RBFOX1: variants seen among roughly 807,000 people sequenced by gnomAD.
RBFOX1 encodes the protein RNA binding protein fox-1 homolog 1.
Under a neutral mutation model 57.7 loss-of-function variants are expected in RBFOX1, and 8 were observed. That is an observed-to-expected ratio of 0.14 (90% CI 0.08 to 0.25). The LOEUF (loss-of-function observed/expected upper bound fraction) is 0.25. RBFOX1 is among the 10% of genes least tolerant of loss of function. The pLI is 1.00. For synonymous variants in RBFOX1, 326 were observed against 222.4 expected (o/e 1.47, Z -4.15); for missense variants, 611 against 548.5 (o/e 1.11, Z -1.14).
intron 2 of RBFOX1, among the ~76,000 whole-genome samples, chr16:5,498,701 C>G (rs375755873): frequency 1.5e-4 from 23 of 152,294 alleles, no homozygotes; most frequent in African/African-American, 5.3e-4. Flanking sequence ...ACACATCAAC[C>G]TGATCTCTTA....
At chr16:5,937,471 A>G (rs1237566494) in intron 4 of RBFOX1, among the ~76,000 whole-genome samples, 1 of 152,136 alleles carries the variant, frequency 6.6e-6, no homozygotes, top group East Asian at 1.9e-4. Flanking sequence ...AAGCCCCTGG[A>G]ATAAGCAGGA....
chr16:5,401,251 G>A (rs978936143), intron 1 of RBFOX1, among the ~76,000 whole-genome samples: 3 of 152,112 alleles, frequency 2.0e-5, no homozygotes, highest in Non-Finnish European at 2.9e-5. Flanking sequence ...ATTTTGTGTA[G>A]GTTTGAGGAT....
intron 4 of RBFOX1, among the ~76,000 whole-genome samples, chr16:7,213,689 C>G (rs1017885876): frequency 6.6e-6 from 1 of 152,080 alleles, no homozygotes; most frequent in Non-Finnish European, 1.5e-5. Context: ...CTGATATTGT[C>G]CCATTTTATA....
intron 2 of RBFOX1, among the ~76,000 whole-genome samples, chr16:6,560,202 C>G (rs957009336): frequency 6.7e-6 from 1 of 149,216 alleles, no homozygotes; most frequent in East Asian, 1.9e-4. Flanking sequence ...AAAGTCAAGC[C>G]CTCATGAAGT....
At chr16:7,562,999 CAA>C (rs1567842321) in intron 5 of RBFOX1, among the ~76,000 whole-genome samples, 1 of 152,192 alleles carries the variant, frequency 6.6e-6, no homozygotes, top group African/African-American at 2.4e-5. Flanking sequence ...CAGGGGATTG[CAA>C]TGCCAGGGCT....
intron 2 of RBFOX1, chr16:6,483,421 G>A (rs1437815538): frequency 6.5e-7 from 1 of 1,535,432 alleles, no homozygotes; most frequent in African/African-American, 1.4e-5. Flanking sequence ...TAGCACGTGG[G>A]TGCCGTTTGC....
At chr16:6,902,383 C>T (rs374212444) in intron 3 of RBFOX1, among the ~76,000 whole-genome samples, 1 of 152,098 alleles carries the variant, frequency 6.6e-6, no homozygotes, top group Non-Finnish European at 1.5e-5. Context: ...ATATCTGGAG[C>T]TATCAAGAGG....
intron 4 of RBFOX1, among the ~76,000 whole-genome samples, chr16:7,368,303 A>AT (rs1212112719): frequency 6.6e-6 from 1 of 151,018 alleles, no homozygotes; most frequent in Non-Finnish European, 1.5e-5. Flanking sequence ...GGCCGTAAGT[A>AT]TTTTTCAAAT....
intron 4 of RBFOX1, among the ~76,000 whole-genome samples, chr16:7,442,721 G>C (rs533167127): frequency 6.6e-6 from 1 of 152,136 alleles, no homozygotes; most frequent in African/African-American, 2.4e-5. Context: ...ATGGTTGTCC[G>C]TCTTGTCAAC....
intron 3 of RBFOX1, among the ~76,000 whole-genome samples, chr16:6,784,350 C>G (rs2081548177): frequency 6.6e-6 from 1 of 152,076 alleles, no homozygotes; most frequent in Non-Finnish European, 1.5e-5. Flanking sequence ...AATAGCCTCT[C>G]TTTGAGCTCA....
intron 2 of RBFOX1, among the ~76,000 whole-genome samples, chr16:5,584,081 T>G (rs1305910803): frequency 1.3e-5 from 2 of 152,196 alleles, no homozygotes; most frequent in Non-Finnish European, 2.9e-5. Context: ...TGTGATGTCA[T>G]GTGGGTTACT....
At chr16:6,586,219 C>G (rs1169680351) in intron 2 of RBFOX1, among the ~76,000 whole-genome samples, 2 of 152,158 alleles carry the variant, frequency 1.3e-5, no homozygotes, top group Non-Finnish European at 2.9e-5. Context: ...AAGAAAATCC[C>G]AATTTGCTCA....
intron 2 of RBFOX1, among the ~76,000 whole-genome samples, chr16:6,609,328 G>A (rs770907922): frequency 6.6e-6 from 1 of 151,982 alleles, no homozygotes; most frequent in South Asian, 2.1e-4. Context: ...CGTGGAAAAT[G>A]ATTTTCTTTT....
At chr16:6,654,495 C>G (rs1212703877) in intron 2 of RBFOX1, 108 bp from the exon 3 acceptor site, 3 of 838,956 alleles carry the variant, frequency 3.6e-6, no homozygotes, top group Admixed American at 6.8e-5. Context: ...GGAGCATGAG[C>G]TCTTTATTAT....
rs562054825 is a variant in RBFOX1 at position 7,028,361 on chromosome 16, G to A, written c.-15-23696G>A. On this transcript the variant is annotated intron_variant, in intron 3 of 15. Transcript: ENST00000550418. ...TGGGCTCAGGGCTGGAGTTAGATGGGATGGATTTTATCTCTCTGATGCTTG... is the reference window on the plus strand; with the variant it reads ...TGGGCTCAGGGCTGGAGTTAGATGGAATGGATTTTATCTCTCTGATGCTTG... 2.0e-5 allele frequency among the ~76,000 whole-genome samples: 3 copies of A among 152,154 alleles called. No homozygotes were observed. In the East Asian group the frequency reaches 5.8e-4, roughly 30 times the overall value.
intron 1 of RBFOX1, among the ~76,000 whole-genome samples, chr16:6,031,302 G>T (rs889849531): frequency 3.9e-5 from 6 of 152,154 alleles, no homozygotes; most frequent in African/African-American, 1.2e-4. Flanking sequence ...GAACAGCAAG[G>T]TGGCCAGCGT....
intron 1 of RBFOX1, among the ~76,000 whole-genome samples, chr16:6,297,706 C>T (rs922568094): frequency 6.6e-6 from 1 of 152,006 alleles, no homozygotes; most frequent in Non-Finnish European, 1.5e-5. Flanking sequence ...CCCCAAACAC[C>T]CAGTTCCAGA....
chr16:6,827,202 GTTT>G (rs60748314), intron 3 of RBFOX1, among the ~76,000 whole-genome samples: 1 of 148,866 alleles, frequency 6.7e-6, no homozygotes. Context: ...TTAGAGGTGT[GTTT>G]TTTTTTTTCT....
chr16:7,500,168 A>G (rs1251057334), intron 4 of RBFOX1, among the ~76,000 whole-genome samples: 1 of 152,216 alleles, frequency 6.6e-6, no homozygotes, highest in African/African-American at 2.4e-5. Flanking sequence ...GTGAAGAAGC[A>G]CAGACTCTCC....
Sources: gnomAD v4.1 joint callset for allele counts (sites outside exome capture counted in the v4.1 genomes callset) on GRCh38, gnomAD v4.1.1 for gene constraint, MANE v1.5 for transcripts, NCBI Gene and HGNC (gene_info 2026-07-23, HGNC 2026-07-21) for gene names.